ROBO2: variants seen among roughly 807,000 people sequenced by gnomAD.
ROBO2 encodes roundabout guidance receptor 2.
A neutral mutation model predicts 160.8 loss-of-function variants in ROBO2; 53 were observed. That is an observed-to-expected ratio of 0.33 (90% confidence interval 0.26 to 0.41). ROBO2 has a LOEUF of 0.41. Ranked by LOEUF, ROBO2 falls within the 10% of genes least tolerant of loss-of-function variation. ROBO2 has a pLI of 1.00. For missense variants in ROBO2, 1,577 were observed against 1,722.4 expected (o/e 0.92, Z 1.49); for synonymous variants, 664 against 611.7 (o/e 1.09, Z -1.26).
intron 2 of ROBO2, among the ~76,000 whole-genome samples, chr3:76,421,475 C>G (rs773006859): frequency 6.6e-6 from 1 of 150,784 alleles, no homozygotes; most frequent in Non-Finnish European, 1.5e-5. Flanking sequence ...GCCTGTAATC[C>G]CAGCACCTTG....
At chr3:76,332,685 C>G (rs1047922196) in intron 2 of ROBO2, among the ~76,000 whole-genome samples, 1 of 152,180 alleles carries the variant, frequency 6.6e-6, no homozygotes, top group Admixed American at 6.5e-5. Flanking sequence ...ACAGGAAAAT[C>G]TTTACCCTCT....
intron 2 of ROBO2, among the ~76,000 whole-genome samples, chr3:76,563,671 A>G (rs997049336): frequency 5.3e-5 from 8 of 152,206 alleles, no homozygotes; most frequent in Admixed American, 5.2e-4. Context: ...TAGGACTCAA[A>G]TATGTTGACT....
chr3:76,522,558 G>A (rs1475005908), intron 2 of ROBO2, among the ~76,000 whole-genome samples: 1 of 152,132 alleles, frequency 6.6e-6, no homozygotes, highest in Non-Finnish European at 1.5e-5. Flanking sequence ...ACTACACGGT[G>A]TTTTTAAGTA....
At chr3:76,781,947 CT>C (rs1288126092) in intron 2 of ROBO2, among the ~76,000 whole-genome samples, 2 of 150,642 alleles carry the variant, frequency 1.3e-5, no homozygotes, top group Non-Finnish European at 1.5e-5. Flanking sequence ...GGCATTAATT[CT>C]TTAATGTTTA....
chr3:77,544,093 G>A (rs978258063), intron 6 of ROBO2, among the ~76,000 whole-genome samples: 3 of 136,306 alleles, frequency 2.2e-5, no homozygotes, highest in Admixed American at 1.6e-4. Flanking sequence ...TGCAGATGAC[G>A]GAAACAAACC....
At chr3:76,536,585 G>C (rs1388905798) in intron 2 of ROBO2, among the ~76,000 whole-genome samples, 2 of 151,986 alleles carry the variant, frequency 1.3e-5, no homozygotes, top group African/African-American at 4.8e-5. Context: ...ATCTCACCTA[G>C]CTATACCTTG....
intron 2 of ROBO2, among the ~76,000 whole-genome samples, chr3:77,291,590 A>G (rs1237422287): frequency 6.6e-6 from 1 of 150,734 alleles, no homozygotes; most frequent in African/African-American, 2.4e-5. Flanking sequence ...AGGTGAGGCT[A>G]GAGCAGTAAA....
chr3:77,596,638 C>G, exon 19 of ROBO2: 1 of 1,613,960 alleles, frequency 6.2e-7, no homozygotes, highest in Non-Finnish European at 8.5e-7. Flanking sequence ...CAGGTCTTCT[C>G]AATGCTGGTG....
chr3:76,273,556 C>T (rs915050611), intron 2 of ROBO2, among the ~76,000 whole-genome samples: 5 of 152,024 alleles, frequency 3.3e-5, no homozygotes, highest in Non-Finnish European at 5.9e-5. Flanking sequence ...GAAGCAAATA[C>T]GTCATTCTTC....
intron 2 of ROBO2, among the ~76,000 whole-genome samples, chr3:76,325,102 C>A (rs1446079924): frequency 6.6e-6 from 1 of 152,208 alleles, no homozygotes; most frequent in Admixed American, 6.5e-5. Context: ...GAGACTCCGT[C>A]TCAAAACAAA....
chr3:75,983,718 A>G (rs1468816568), intron 2 of ROBO2, among the ~76,000 whole-genome samples: 1 of 151,192 alleles, frequency 6.6e-6, no homozygotes, highest in Non-Finnish European at 1.5e-5. Context: ...AATTTTTGAT[A>G]TCAACTCCAG....
chr3:76,068,862 G>T (rs1036357931), intron 2 of ROBO2, among the ~76,000 whole-genome samples: 2 of 152,080 alleles, frequency 1.3e-5, no homozygotes, highest in East Asian at 3.9e-4. Flanking sequence ...TTTGACATAG[G>T]TAATCATTGA....
At chr3:77,302,447 C>T (rs941940218) in intron 2 of ROBO2, among the ~76,000 whole-genome samples, 1 of 152,054 alleles carries the variant, frequency 6.6e-6, no homozygotes, top group Non-Finnish European at 1.5e-5. Context: ...TTCCTTGTCT[C>T]CCATAATCAC....
chr3:77,382,751 G>T (rs1415171969), intron 2 of ROBO2, among the ~76,000 whole-genome samples: 1 of 152,148 alleles, frequency 6.6e-6, no homozygotes, highest in Non-Finnish European at 1.5e-5. Context: ...ACGCTACTTT[G>T]TTCTTTCTTA....
At chr3:76,260,894 T>G (rs1706700801) in intron 2 of ROBO2, among the ~76,000 whole-genome samples, 1 of 152,232 alleles carries the variant, frequency 6.6e-6, no homozygotes, top group Admixed American at 6.5e-5. Flanking sequence ...AATCTCATAC[T>G]ATTTTTTTCC....
intron 2 of ROBO2, among the ~76,000 whole-genome samples, chr3:77,258,818 A>G (rs1463811428): frequency 6.6e-6 from 1 of 152,218 alleles, no homozygotes; most frequent in Non-Finnish European, 1.5e-5. Context: ...TTGGGAATTT[A>G]TCTATGTACA....
intron 2 of ROBO2, among the ~76,000 whole-genome samples, chr3:76,043,867 G>A (rs1391679427): frequency 1.3e-5 from 2 of 151,740 alleles, no homozygotes; most frequent in Admixed American, 6.6e-5. Context: ...GATTGTCTTC[G>A]GATCACTTTG....
intron 2 of ROBO2, among the ~76,000 whole-genome samples, chr3:76,192,224 C>T (rs1040680760): frequency 1.7e-4 from 25 of 150,934 alleles, no homozygotes; most frequent in Non-Finnish European, 2.7e-4. Context: ...ACCTGACCTT[C>T]GATTGGCTTA....
intron 2 of ROBO2, among the ~76,000 whole-genome samples, chr3:76,988,102 T>C (rs565161163): frequency 1.6e-4 from 25 of 152,324 alleles, no homozygotes; most frequent in Middle Eastern, 3.4e-3. Flanking sequence ...TTTACTGATA[T>C]GAGCATTACA....
Sources: gnomAD v4.1 joint callset for allele counts (sites outside exome capture counted in the v4.1 genomes callset) on GRCh38, gnomAD v4.1.1 for gene constraint, MANE v1.5 for transcripts, NCBI Gene and HGNC (gene_info 2026-07-23, HGNC 2026-07-21) for gene names.